ADGRG6: variants seen among roughly 807,000 people sequenced by gnomAD.
The protein encoded by ADGRG6 is G-protein coupled receptor 126.
In ADGRG6, 84 loss-of-function variants were observed where a neutral mutation model predicts 142.4. The ratio of observed to expected loss-of-function variants is 0.59; its 90% CI spans 0.49 to 0.71. The LOEUF (loss-of-function observed/expected upper bound fraction) is 0.71. Ranked by LOEUF, ADGRG6 falls within the 30% of genes least tolerant of loss-of-function variation. The probability of loss-of-function intolerance (pLI) is 0.00; values close to 1 mark genes in which losing one functional copy is unlikely to be tolerated. For synonymous variants in ADGRG6, 521 were observed against 520.5 expected, an observed-to-expected ratio of 1.00 and a Z score of -0.01; for missense variants, 1,367 against 1,466.6, an observed-to-expected ratio of 0.93 and a Z score of 1.11.
chr6:142,343,208 A>T (rs912392678), intron 2 of ADGRG6, among the ~76,000 whole-genome samples: 3 of 151,700 alleles, frequency 2.0e-5, no homozygotes, highest in African/African-American at 7.2e-5. Context: ...CTAAGTGCCT[A>T]TGCATTTTTC....
chr6:142,391,723 A>G (rs1774909754), intron 7 of ADGRG6, among the ~76,000 whole-genome samples: 2 of 151,848 alleles, frequency 1.3e-5, no homozygotes, highest in African/African-American at 4.8e-5. Flanking sequence ...CTCTCAATGG[A>G]GAGAGCAGGC....
intron 6 of ADGRG6, among the ~76,000 whole-genome samples, chr6:142,389,642 C>T (rs1201612092): frequency 6.6e-6 from 1 of 151,772 alleles, no homozygotes; most frequent in Non-Finnish European, 1.5e-5. Context: ...ATTCTACCTG[C>T]AAATATTGTT....
At chr6:142,418,635 A>G (rs1776492784) in intron 21 of ADGRG6, among the ~76,000 whole-genome samples, 1 of 152,130 alleles carries the variant, frequency 6.6e-6, no homozygotes, top group South Asian at 2.1e-4. Flanking sequence ...CATTTAGTAA[A>G]CTGCTATACC....
rs557226040 is a variant in ADGRG6, at chr6:142,324,377, G to A, written c.103+14733G>A. On this transcript the variant is annotated intron_variant, in intron 2 of 24. Transcript: ENST00000367609. Reference sequence around the variant, plus strand: ...TGTATCCTCAACCAGTATTTTCTAAGCTATTTCCACTACTTCCTTACACAT... The same window carrying A: ...TGTATCCTCAACCAGTATTTTCTAAACTATTTCCACTACTTCCTTACACAT... Among the ~76,000 whole-genome samples, 41 of 152,106 alleles carry A rather than the reference G, an allele frequency of 2.7e-4. No individual in the cohort carries two copies. In the South Asian group the frequency reaches 8.1e-3, roughly 30 times the overall value.
intron 2 of ADGRG6, among the ~76,000 whole-genome samples, chr6:142,323,864 G>T (rs1778635403): frequency 6.6e-6 from 1 of 152,136 alleles, no homozygotes; most frequent in African/African-American, 2.4e-5. Context: ...ACGTTGTTAT[G>T]GGGTGCATGG....
intron 18 of ADGRG6, among the ~76,000 whole-genome samples, chr6:142,412,833 A>G (rs1776153335): frequency 6.6e-6 from 1 of 152,120 alleles, no homozygotes; most frequent in South Asian, 2.1e-4. Context: ...TATTTCAACT[A>G]TGTGCATGTT....
Position 142,420,094 on chromosome 6 carries a change from T to C in ADGRG6, c.3309T>C (p.Asn1103=). ...IPFMYLFSIF[N]SLQGLFIFIF... ...TCATGTACCTCTTCTCCATCTTCAA[T>C]TCATTACAAGGTAAGATAAATTGTA... Residue 1103 remains asparagine, a synonymous_variant, in exon 22 of 25, where the codon AAT becomes AAC. Coordinates refer to ENST00000367609, the MANE Select transcript of ADGRG6 (RefSeq NM_198569.3). The C allele has an allele frequency of 6.2e-7, 1 of 1,611,374 alleles. No homozygotes were observed.
intron 1 of ADGRG6, among the ~76,000 whole-genome samples, chr6:142,307,183 G>A (rs950938430): frequency 1.3e-5 from 2 of 152,108 alleles, no homozygotes; most frequent in Non-Finnish European, 2.9e-5. Context: ...GAATCTGAGA[G>A]AAAGCTATTA....
At position 142,381,990 on chromosome 6, in the gene ADGRG6, G is replaced by T. The variant is rs376452752; in HGVS notation, c.1109G>T (p.Ser370Ile). The change falls in exon 5 of 25, where the codon AGC becomes ATC. Residue 370 changes from serine (S) to isoleucine (I), a missense_variant. Physicochemically the swap from Ser to Ile is moderately radical, Grantham distance 142. Transcript: ENST00000367609. The part of the protein sequence containing the change: ...LIPLPAAELA[S>I]CADLGTLCQA... Reference sequence around the variant, plus strand: ...CCGCTCCCAGCAGCAGAACTGGCCAGCTGTGCAGACCTGGGGACCCTCTGT... The same window carrying T: ...CCGCTCCCAGCAGCAGAACTGGCCATCTGTGCAGACCTGGGGACCCTCTGT... 17 of 1,607,554 alleles carry T rather than the reference G, an allele frequency of 1.1e-5. No homozygotes were observed. The African/African-American group carries it at 2.1e-4, about 20-fold the overall frequency.
intron 2 of ADGRG6, among the ~76,000 whole-genome samples, chr6:142,360,330 G>T (rs1401217690): frequency 3.3e-5 from 5 of 152,186 alleles, no homozygotes; most frequent in Non-Finnish European, 7.3e-5. Context: ...GAACATTTAG[G>T]TATAATGAAG....
intron 15 of ADGRG6, among the ~76,000 whole-genome samples, chr6:142,407,493 A>T (rs527581422): frequency 6.6e-6 from 1 of 152,340 alleles, no homozygotes; most frequent in South Asian, 2.1e-4. Flanking sequence ...GACAAGAAAT[A>T]CAAGGGAAAG....
At chr6:142,316,184 A>T (rs984349160) in intron 2 of ADGRG6, among the ~76,000 whole-genome samples, 7 of 152,090 alleles carry the variant, frequency 4.6e-5, no homozygotes, top group African/African-American at 9.7e-5. Context: ...TATGCTTTAT[A>T]AAAAAATTAC....
intron 2 of ADGRG6, among the ~76,000 whole-genome samples, chr6:142,346,884 G>T (rs1293775186): frequency 1.3e-5 from 2 of 151,246 alleles, no homozygotes; most frequent in African/African-American, 4.9e-5. Flanking sequence ...GGGGGGTGGG[G>T]GGCTAGGGGA....
chr6:142,338,017 G>GTTTTTTTTTATTTTTTTTTTTTTTTTTT, intron 2 of ADGRG6, among the ~76,000 whole-genome samples: 1 of 35,392 alleles, frequency 2.8e-5, no homozygotes, highest in Admixed American at 4.6e-4. Context: ...TTGTATCTTT[G>GTTTTTTTTTATTTTTTTTTTTTTTTTTT]TTTTTTTTTT....
At chr6:142,331,592 A>G (rs1457586038) in intron 2 of ADGRG6, among the ~76,000 whole-genome samples, 19 of 152,236 alleles carry the variant, frequency 1.2e-4, no homozygotes, top group Non-Finnish European at 2.4e-4. Context: ...TGATGAAAAT[A>G]GTCCTGAAAT....
At position 142,419,811 on chromosome 6, in the gene ADGRG6, CT is replaced by C. The variant is rs1776564335; in HGVS notation, c.3036-4del. On this transcript the variant is annotated splice_polypyrimidine_tract_variant and intron_variant, in intron 21 of 24. Transcript: ENST00000367609. ...AATCTTTTTTTCTTTCTCATTTCTT[CT>C]TTTTTAAGCTGTTGGATTCAAGATC... 20 of 1,581,528 alleles carry C rather than the reference CT, an allele frequency of 1.3e-5. No homozygotes were observed. In the East Asian group the frequency reaches 3.8e-4, roughly 30 times the overall value.
chr6:142,403,273 A>G (rs1026720939), intron 13 of ADGRG6, among the ~76,000 whole-genome samples: 1 of 152,064 alleles, frequency 6.6e-6, no homozygotes, highest in African/African-American at 2.4e-5. Flanking sequence ...ATATGATTCA[A>G]TTTGTATTTA....
chr6:142,339,195 A>G (rs760798142), intron 2 of ADGRG6, among the ~76,000 whole-genome samples: 6 of 152,198 alleles, frequency 3.9e-5, no homozygotes, highest in Admixed American at 6.5e-5. Context: ...GCTATGCACA[A>G]GAATTCATAA....
intron 1 of ADGRG6, among the ~76,000 whole-genome samples, chr6:142,304,182 A>G (rs981722355): frequency 2.1e-4 from 32 of 152,322 alleles, no homozygotes; most frequent in African/African-American, 7.5e-4. Context: ...AAATGTTAAA[A>G]TGGGTAACAT....
Sources: allele counts gnomAD v4.1 joint callset (sites outside exome capture counted in the v4.1 genomes callset), GRCh38; gene constraint gnomAD v4.1.1; transcripts MANE v1.5; gene names NCBI Gene and HGNC (gene_info 2026-07-23, HGNC 2026-07-21).